The following C10orf143 variants were observed in gnomAD, a reference collection of about 807,000 sequenced individuals.
The protein encoded by C10orf143 is uncharacterized protein C10orf143.
chr10:130,085,531 G>C (rs1055661339), intron 1 of C10orf143, among the ~76,000 whole-genome samples: 11 of 152,106 alleles, frequency 7.2e-5, no homozygotes, highest in Non-Finnish European at 4.4e-5. Context: ...AAGAGAGGAA[G>C]GAAACACAAT....
chr10:130,079,227 T>C (rs1034163191), intron 3 of C10orf143, among the ~76,000 whole-genome samples: 3 of 152,250 alleles, frequency 2.0e-5, no homozygotes, highest in Non-Finnish European at 2.9e-5. Context: ...TGTTGATTGC[T>C]ATTTGGAAAA....
intron 3 of C10orf143, among the ~76,000 whole-genome samples, chr10:130,077,843 A>T (rs2134765199): frequency 6.6e-6 from 1 of 152,358 alleles, no homozygotes; most frequent in South Asian, 2.1e-4. Flanking sequence ...TCAAATATCA[A>T]GAGGTGTGAC....
At chr10:130,076,646 C>T (rs922527306) in intron 3 of C10orf143, among the ~76,000 whole-genome samples, 1 of 152,208 alleles carries the variant, frequency 6.6e-6, no homozygotes, top group African/African-American at 2.4e-5. Flanking sequence ...AAGCCTTCCT[C>T]CCCTTTTCAT....
At chr10:130,046,621 T>C (rs956554900) in intron 3 of C10orf143, among the ~76,000 whole-genome samples, 2 of 152,226 alleles carry the variant, frequency 1.3e-5, no homozygotes, top group East Asian at 1.9e-4. Context: ...TGGTGGTCTC[T>C]CCGGGGAAAC....
chr10:130,099,847 T>A (rs971107832), intron 1 of C10orf143, among the ~76,000 whole-genome samples: 3 of 68,718 alleles, frequency 4.4e-5, no homozygotes, highest in African/African-American at 1.8e-4. Flanking sequence ...TTTCTTTATT[T>A]TTTTTTTTTT....
chr10:130,092,153 G>T (rs1168535147), intron 1 of C10orf143, among the ~76,000 whole-genome samples: 1 of 152,116 alleles, frequency 6.6e-6, no homozygotes, highest in African/African-American at 2.4e-5. Context: ...AAATGTTAAG[G>T]GCAGCCAGAG....
chr10:130,082,311 AGGATGGACTTTTTAATATACG>A (rs1263004146), intron 1 of C10orf143, among the ~76,000 whole-genome samples: 1 of 152,036 alleles, frequency 6.6e-6, no homozygotes, highest in East Asian at 1.9e-4. Flanking sequence ...TGTGCCCAGC[AGGATGGACTTTTTAATATACG>A]GTCCCAGGAC....
At chr10:130,088,596 C>T (rs1447019836) in intron 1 of C10orf143, among the ~76,000 whole-genome samples, 1 of 151,980 alleles carries the variant, frequency 6.6e-6, no homozygotes, top group Non-Finnish European at 1.5e-5. Context: ...CCTTAGGTAC[C>T]AGGAACAGTC....
chr10:130,058,669 T>C (rs1334163656), intron 3 of C10orf143, among the ~76,000 whole-genome samples: 1 of 151,238 alleles, frequency 6.6e-6, no homozygotes, highest in Admixed American at 6.6e-5. Context: ...GAGCTTAAAG[T>C]GCAGGACCTA....
intron 3 of C10orf143, among the ~76,000 whole-genome samples, chr10:130,042,464 G>A (rs1015928501): frequency 6.6e-6 from 1 of 152,336 alleles, no homozygotes; most frequent in Middle Eastern, 3.4e-3. Context: ...TTTCTCAAAC[G>A]GTCTCAGTCC....
At chr10:130,084,671 C>T (rs991488539) in intron 1 of C10orf143, among the ~76,000 whole-genome samples, 6 of 151,560 alleles carry the variant, frequency 4.0e-5, no homozygotes, top group African/African-American at 1.5e-4. Context: ...CACACACACA[C>T]ACATACATAT....
intron 3 of C10orf143, among the ~76,000 whole-genome samples, chr10:130,038,953 G>A (rs1007760189): frequency 6.6e-6 from 1 of 152,184 alleles, no homozygotes; most frequent in Non-Finnish European, 1.5e-5. Flanking sequence ...GGAGGGGCTT[G>A]ACTGATAATG....
intron 3 of C10orf143, among the ~76,000 whole-genome samples, chr10:130,048,299 C>CT (rs1322607209): frequency 1.3e-5 from 2 of 152,338 alleles, no homozygotes; most frequent in Admixed American, 6.5e-5. Context: ...CTGGACCCAC[C>CT]TGCCTTGACA....
At chr10:130,106,545 C>T (rs1177699) in intron 1 of C10orf143, 463,032 of 1,592,252 alleles carry the variant, frequency 0.29, 69,810 homozygotes, top group Middle Eastern at 0.37. Context: ...GAATTGATGG[C>T]GGATATTTCA....
rs1490382299 is a variant in C10orf143, at chr10:130,101,857, AAAAAAACC to A, written c.69+8839_69+8846del. Among the ~76,000 whole-genome samples the A allele has an allele frequency of 3.2e-3, 109 of 33,698 alleles. 8 individuals are homozygous for A. The highest frequency in any genetic ancestry group is 0.029 in the Middle Eastern group (2 of 70). The allele number at this position is 33,698 out of a possible 152,430, so 22.1% of individuals were successfully genotyped here. A position where few individuals can be genotyped will look rare whatever the true frequency, so the allele number is the denominator to read the frequency against. On this transcript the variant is annotated intron_variant, in intron 1 of 3. Transcript: ENST00000637128. ...AGAGGGAGACTCTGTCTCAAAAAAA[AAAAAAACC>A]AAAAAAAAAAAAAAAAAAAACTTTT...
chr10:130,103,404 C>T (rs1453002844), intron 1 of C10orf143, among the ~76,000 whole-genome samples: 1 of 152,246 alleles, frequency 6.6e-6, no homozygotes. Flanking sequence ...GCAGAAGAAT[C>T]ACTTGAACCC....
intron 3 of C10orf143, among the ~76,000 whole-genome samples, chr10:130,055,447 C>T (rs1012594578): frequency 6.6e-6 from 1 of 152,178 alleles, no homozygotes; most frequent in Non-Finnish European, 1.5e-5. Context: ...GGGCTTTGGA[C>T]ATTTCTCCAA....
At chr10:130,041,892 A>G (rs1393539233) in intron 3 of C10orf143, among the ~76,000 whole-genome samples, 12 of 152,238 alleles carry the variant, frequency 7.9e-5, no homozygotes, top group Non-Finnish European at 1.0e-4. Flanking sequence ...TAACACACAC[A>G]CACACACATG....
At position 130,064,005 on chromosome 10, in the gene C10orf143, C is replaced by T. The variant is rs1458717510; in HGVS notation, c.*349G>A. On this transcript the variant is annotated 3_prime_UTR_variant, in exon 4 of 4. Transcript: ENST00000637128. ...GCGGGGCTGCGTCTGGGTGGGCCTC[C>T]ATAGGCCATGAGTGCCCAAGCTCAT... is the stretch of plus-strand genomic sequence containing the variant. 9.5e-6 allele frequency: 2 copies of T among 210,354 alleles called. No homozygotes were observed. Among genetic ancestry groups the T allele is most frequent in the Non-Finnish European group, 1.9e-5 (2 of 106,544 alleles). 13.0% of individuals were successfully genotyped at this position (210,354 alleles called of 1,614,324 possible).
Sources: gnomAD v4.1 joint callset for allele counts (sites outside exome capture counted in the v4.1 genomes callset) on GRCh38, gnomAD v4.1.1 for gene constraint, MANE v1.5 for transcripts, NCBI Gene and HGNC (gene_info 2026-07-23, HGNC 2026-07-21) for gene names.